Variants in EVI5 observed in about 807,000 individuals in gnomAD.
EVI5 encodes ecotropic viral integration site 5 protein homolog.
In EVI5, 73 loss-of-function variants were observed where a neutral mutation model predicts 112.0. The observed-to-expected ratio is 0.65, with a 90% CI of 0.54 to 0.79. The LOEUF is 0.79. EVI5 is among the 30% of genes least tolerant of loss of function. The pLI is 0.00. For missense variants in EVI5, 900 were observed against 968.8 expected, an observed-to-expected ratio of 0.93 and a Z score of 0.94; for synonymous variants, 305 against 319.9, an observed-to-expected ratio of 0.95 and a Z score of 0.50.
intron 2 of EVI5, among the ~76,000 whole-genome samples, chr1:92,732,858 C>T (rs980085702): frequency 1.4e-5 from 2 of 140,600 alleles, no homozygotes; most frequent in Admixed American, 7.9e-5. Flanking sequence ...AGAGATCGCA[C>T]CACTGCACTC....
At chr1:92,626,104 G>A (rs1655609833) in intron 14 of EVI5, among the ~76,000 whole-genome samples, 170 bp from the exon 15 acceptor site, 1 of 152,096 alleles carries the variant, frequency 6.6e-6, no homozygotes, top group Non-Finnish European at 1.5e-5. Flanking sequence ...AAGAGCCAGT[G>A]GTTTTTAGAG....
intron 19 of EVI5, among the ~76,000 whole-genome samples, chr1:92,517,595 C>T (rs1462496848): frequency 6.6e-6 from 1 of 152,312 alleles, no homozygotes; most frequent in East Asian, 1.9e-4. Context: ...GAAATGGATG[C>T]GATCTTTCCA....
At position 92,513,259 on chromosome 1, in the gene EVI5, A is replaced by C. The variant is rs555223169; in HGVS notation, c.*397T>G. ...ACAAATTGATAAACATAAATACACA[A>C]TTTGCTCACTGAGCATAAAATATTG... On this transcript the variant is annotated 3_prime_UTR_variant, in exon 20 of 20. Coordinates refer to ENST00000684568, the MANE Select transcript of EVI5 (RefSeq NM_001350197.2). 6.6e-6 allele frequency: 1 copy of C among 152,114 alleles called. No individual in the cohort carries two copies. The highest frequency in any genetic ancestry group is 1.9e-4 in the East Asian group (1 of 5,194). The allele number at this position is 152,114 out of a possible 1,614,324, so 9.4% of individuals were successfully genotyped here.
At chr1:92,577,587 CA>C in intron 18 of EVI5, among the ~76,000 whole-genome samples, 1 of 152,330 alleles carries the variant, frequency 6.6e-6, no homozygotes, top group African/African-American at 2.4e-5. Context: ...AAATACACAA[CA>C]AAGCCTTTCA....
rs1670184947 is a variant in EVI5 at position 92,695,537 on chromosome 1, C to T, written c.766-84G>A. On this transcript the variant is annotated intron_variant, in intron 6 of 19. Coordinates refer to ENST00000684568, the MANE Select transcript of EVI5 (RefSeq NM_001350197.2). ...TATATTTATACTAGATTAGCCTATA[C>T]CAAACACAGATTAGATCAAGCATCA... is the stretch of plus-strand genomic sequence containing the variant. 5 of 833,812 alleles carry T rather than the reference C, an allele frequency of 6.0e-6. No individual in the cohort carries two copies. The Admixed American group carries it at 1.5e-4, about 25-fold the overall frequency. The allele number at this position is 833,812 out of a possible 1,614,324, so 51.7% of individuals were successfully genotyped here. A position where few individuals can be genotyped will look rare whatever the true frequency, so the allele number is the denominator to read the frequency against.
chr1:92,611,055 A>G (rs1363407227), intron 16 of EVI5, among the ~76,000 whole-genome samples: 1 of 151,954 alleles, frequency 6.6e-6, no homozygotes, highest in African/African-American at 2.4e-5. Context: ...TATGTAACTA[A>G]CCTGCACAAT....
At chr1:92,635,482 C>G (rs936499312) in intron 14 of EVI5, among the ~76,000 whole-genome samples, 1 of 152,204 alleles carries the variant, frequency 6.6e-6, no homozygotes, top group Non-Finnish European at 1.5e-5. Context: ...CCGAGCCAGG[C>G]ACAGGACATA....
chr1:92,615,580 C>T (rs938097135), intron 16 of EVI5, among the ~76,000 whole-genome samples: 6 of 152,114 alleles, frequency 3.9e-5, no homozygotes, highest in Non-Finnish European at 5.9e-5. Context: ...TCAGAAGGAA[C>T]AACTTCCCCA....
At chr1:92,688,259 G>T (rs1019424457) in intron 9 of EVI5, among the ~76,000 whole-genome samples, 1 of 152,050 alleles carries the variant, frequency 6.6e-6, no homozygotes, top group Non-Finnish European at 1.5e-5. Context: ...TGGAAACCAT[G>T]ATTCTACACA....
chr1:92,728,354 CCA>C (rs1242787273), intron 2 of EVI5, among the ~76,000 whole-genome samples: 1 of 151,746 alleles, frequency 6.6e-6, no homozygotes, highest in Non-Finnish European at 1.5e-5. Flanking sequence ...CACCCCTTAT[CCA>C]CAGTTTCACT....
intron 1 of EVI5, among the ~76,000 whole-genome samples, chr1:92,775,626 A>T: frequency 6.6e-6 from 1 of 152,140 alleles, no homozygotes; most frequent in Non-Finnish European, 1.5e-5. Flanking sequence ...TCTATTATCT[A>T]GCTTTGTCTA....
At chr1:92,752,655 C>T (rs1418534092) in intron 1 of EVI5, among the ~76,000 whole-genome samples, 6 of 152,008 alleles carry the variant, frequency 3.9e-5, no homozygotes, top group Non-Finnish European at 5.9e-5. Flanking sequence ...CGAGGGGCAG[C>T]GGTGCAGCAC....
In EVI5 at chr1:92,756,175, C is replaced by T. The variant is rs983118701; in HGVS notation, c.-81-19548G>A. On this transcript the variant is annotated intron_variant, in intron 1 of 19. Coordinates refer to ENST00000684568, the MANE Select transcript of EVI5 (RefSeq NM_001350197.2). ...TAATATGAATGTAGTATTAACAAAA[C>T]AAAATTTGCTACATGTGTAACTCTT... is the stretch of plus-strand genomic sequence containing the variant. The T allele has an allele frequency of 1.0e-5, 4 of 385,726 alleles. No homozygotes were observed. In the Middle Eastern group the frequency reaches 1.7e-3, roughly 167 times the overall value. 23.9% of individuals were successfully genotyped at this position (385,726 alleles called of 1,614,324 possible). A position where few individuals can be genotyped will look rare whatever the true frequency, so the allele number is the denominator to read the frequency against.
intron 9 of EVI5, among the ~76,000 whole-genome samples, chr1:92,680,672 C>T (rs755204621): frequency 6.6e-6 from 1 of 152,136 alleles, no homozygotes; most frequent in Admixed American, 6.6e-5. Flanking sequence ...TAGTAAAACC[C>T]AGCAAACATC....
chr1:92,754,015 C>A (rs888243546), intron 1 of EVI5, among the ~76,000 whole-genome samples: 1 of 152,080 alleles, frequency 6.6e-6, no homozygotes, highest in Admixed American at 6.6e-5. Context: ...CTAACCCAAG[C>A]CCCAGAGAAT....
At chr1:92,678,531 A>T (rs1667107474) in intron 9 of EVI5, among the ~76,000 whole-genome samples, 1 of 152,084 alleles carries the variant, frequency 6.6e-6, no homozygotes, top group South Asian at 2.1e-4. Context: ...AACGCCCAGA[A>T]AGTGATAAAC....
intron 14 of EVI5, among the ~76,000 whole-genome samples, chr1:92,631,356 T>TCG (rs1657053697): frequency 1.3e-5 from 2 of 152,208 alleles, no homozygotes; most frequent in Non-Finnish European, 2.9e-5. Context: ...TTTATTTCAT[T>TCG]GAGCAGTGGT....
intron 19 of EVI5, among the ~76,000 whole-genome samples, chr1:92,561,953 A>G (rs1056748617): frequency 1.3e-5 from 2 of 152,140 alleles, no homozygotes; most frequent in Non-Finnish European, 2.9e-5. Flanking sequence ...CATTATTTTT[A>G]GTCAAAGCAT....
At chr1:92,666,095 G>T in intron 10 of EVI5, 103 bp from the exon 11 acceptor site, 1 of 689,356 alleles carries the variant, frequency 1.5e-6, no homozygotes, top group Non-Finnish European at 2.5e-6. Context: ...AAATAAGAAA[G>T]GAGTCTAAGG....
Sources: allele counts gnomAD v4.1 joint callset (sites outside exome capture counted in the v4.1 genomes callset), GRCh38; gene constraint gnomAD v4.1.1; transcripts MANE v1.5; gene names NCBI Gene and HGNC (gene_info 2026-07-23, HGNC 2026-07-21).